The following BBS9 variants were observed in gnomAD, a reference collection of about 807,000 sequenced individuals.
BBS9 encodes Bardet-Biedl syndrome 9.
In BBS9, 89 loss-of-function variants were observed where a neutral mutation model predicts 117.7. That is an observed-to-expected ratio of 0.76 (90% confidence interval 0.64 to 0.90). BBS9 has a LOEUF of 0.90. Among genes scored for constraint, BBS9 ranks in the 40% least tolerant of loss-of-function variants. The pLI, the probability that BBS9 is intolerant of heterozygous loss-of-function variation, is 0.00. For synonymous variants in BBS9, 379 were observed against 370.9 expected (o/e 1.02, Z -0.25); for missense variants, 982 against 1,042.2 (o/e 0.94, Z 0.80).
intron 19 of BBS9, among the ~76,000 whole-genome samples, chr7:33,392,265 T>A: frequency 6.6e-6 from 1 of 152,312 alleles, no homozygotes; most frequent in Non-Finnish European, 1.5e-5. Flanking sequence ...TGGATTAGCT[T>A]GGTAGTTCTG....
rs144496762 is a variant in BBS9, at chr7:33,246,260, T to C, written c.443-10976T>C. Among the ~76,000 whole-genome samples, 311 of 151,988 alleles carry C rather than the reference T, an allele frequency of 2.0e-3. 1 individual carries two copies. The highest frequency in any genetic ancestry group is 6.6e-3 in the African/African-American group (276 of 41,534). ...TTTAAAACCATGTAAGTTTAAATCATGTTGAAACTCAGCTGATAATTTCCT... is the reference window on the plus strand; with the variant it reads ...TTTAAAACCATGTAAGTTTAAATCACGTTGAAACTCAGCTGATAATTTCCT... On this transcript the variant is annotated intron_variant, in intron 5 of 22. Transcript: ENST00000242067.
intron 5 of BBS9, among the ~76,000 whole-genome samples, chr7:33,195,736 T>C (rs1784834765): frequency 2.6e-5 from 4 of 152,220 alleles, no homozygotes; most frequent in African/African-American, 9.6e-5. Flanking sequence ...AACACTTTTC[T>C]CTCTGTGTCC....
intron 7 of BBS9, among the ~76,000 whole-genome samples, chr7:33,264,745 C>T (rs901165185): frequency 6.6e-6 from 1 of 152,078 alleles, no homozygotes; most frequent in Admixed American, 6.5e-5. Flanking sequence ...CAGATTTTCT[C>T]TTATCACTTG....
intron 19 of BBS9, among the ~76,000 whole-genome samples, chr7:33,414,943 T>A (rs1042695328): frequency 1.2e-4 from 19 of 152,266 alleles, no homozygotes; most frequent in Non-Finnish European, 2.2e-4. Flanking sequence ...CACATTTTTT[T>A]AAAAATTGAA....
rs540475197 is a variant in BBS9, at chr7:33,211,489, T to G, written c.442+33898T>G. ...CATTCCCCTGCTTTTTTTTGTTTATTTTTGATTGTTATTATCCCCCTGCTT... is the reference window on the plus strand; with the variant it reads ...CATTCCCCTGCTTTTTTTTGTTTATGTTTGATTGTTATTATCCCCCTGCTT... On this transcript the variant is annotated intron_variant, in intron 5 of 22. Transcript: ENST00000242067. Among the ~76,000 whole-genome samples, 6 of 152,014 alleles carry G rather than the reference T, an allele frequency of 3.9e-5. No homozygotes were observed. The East Asian group carries it at 1.2e-3, about 29-fold the overall frequency.
At chr7:33,342,548 T>C (rs528002889) in intron 11 of BBS9, among the ~76,000 whole-genome samples, 37 of 152,290 alleles carry the variant, frequency 2.4e-4, no homozygotes, top group Non-Finnish European at 4.3e-4. Context: ...TATTTCCCTA[T>C]TGGTAACCCT....
intron 5 of BBS9, among the ~76,000 whole-genome samples, chr7:33,227,632 C>A (rs973621810): frequency 6.6e-6 from 1 of 152,018 alleles, no homozygotes; most frequent in Non-Finnish European, 1.5e-5. Context: ...CCCCCTACCC[C>A]CAAAGTCCTC....
intron 19 of BBS9, among the ~76,000 whole-genome samples, chr7:33,435,070 A>G (rs1835098660): frequency 6.6e-6 from 1 of 152,166 alleles, no homozygotes; most frequent in African/African-American, 2.4e-5. Flanking sequence ...TTTGCCTGAA[A>G]TACAATTGTA....
chr7:33,554,706 G>A (rs1239808664), intron 21 of BBS9, among the ~76,000 whole-genome samples: 1 of 152,138 alleles, frequency 6.6e-6, no homozygotes, highest in East Asian at 1.9e-4. Context: ...GGAGCTCAGG[G>A]GAAAAGCCTG....
intron 20 of BBS9, among the ~76,000 whole-genome samples, chr7:33,516,487 CAAAAAAAAAAAAAAA>C (rs61006845): frequency 1.9e-5 from 1 of 51,520 alleles, no homozygotes; most frequent in Non-Finnish European, 3.5e-5. Context: ...ATTTCATCTC[CAAAAAAAAAAAAAAA>C]AAAAAAAAAG....
rs1282073484 is a variant in BBS9 at position 33,215,665 on chromosome 7, T to TA, written c.442+38075dup. ...GAGACACACACACACACAGGAATAT[T>TA]ATTCAGCCATAAAAATGAAATCCCG... On this transcript the variant is annotated intron_variant, in intron 5 of 22. Transcript: ENST00000242067. 6.6e-5 allele frequency among the ~76,000 whole-genome samples: 10 copies of TA among 152,142 alleles called. No individual in the cohort carries two copies. The Middle Eastern group carries it at 0.014, about 207-fold the overall frequency.
chr7:33,361,556 T>C lies in BBS9; in HGVS notation c.1693+3561T>C, dbSNP rs542857915. 8.5e-5 allele frequency among the ~76,000 whole-genome samples: 13 copies of C among 152,302 alleles called. No homozygotes were observed. The South Asian group carries it at 2.5e-3, about 29-fold the overall frequency. ...GTTATACTCCCAGCATCAAGGTTCA[T>C]GCGCATGATAGCAGCTGGATTCATT... On this transcript the variant is annotated intron_variant, in intron 16 of 22. Coordinates refer to ENST00000242067, the MANE Select transcript of BBS9 (RefSeq NM_198428.3).
intron 5 of BBS9, among the ~76,000 whole-genome samples, chr7:33,184,678 G>C (rs1045968759): frequency 6.6e-6 from 1 of 152,144 alleles, no homozygotes; most frequent in African/African-American, 2.4e-5. Context: ...TGGGTCAGGA[G>C]TCTCCTTCGT....
downstream of BBS9, among the ~76,000 whole-genome samples, chr7:33,609,699 A>G (rs1018939867): frequency 3.3e-5 from 5 of 152,066 alleles, no homozygotes; most frequent in African/African-American, 1.2e-4. Flanking sequence ...TATCTCCAAC[A>G]CATTTATGCT....
intron 1 of BBS9, among the ~76,000 whole-genome samples, chr7:33,135,093 A>G (rs1790260743): frequency 1.3e-5 from 2 of 152,116 alleles, no homozygotes; most frequent in African/African-American, 4.8e-5. Context: ...GGGTCTCATC[A>G]TGTTGCACAG....
chr7:33,221,038 A>G (rs940704198), intron 5 of BBS9, among the ~76,000 whole-genome samples: 2 of 152,148 alleles, frequency 1.3e-5, no homozygotes. Context: ...TCCTGCCTAG[A>G]TTGTCTTTAC....
At chr7:33,178,222 T>C (rs1797609543) in intron 5 of BBS9, among the ~76,000 whole-genome samples, 1 of 152,248 alleles carries the variant, frequency 6.6e-6, no homozygotes, top group Admixed American at 6.5e-5. Context: ...TTGATCCTGC[T>C]CATCGAGCCA....
chr7:33,304,895 C>T (rs1395363853), intron 9 of BBS9, among the ~76,000 whole-genome samples: 6 of 152,030 alleles, frequency 3.9e-5, no homozygotes, highest in Admixed American at 1.3e-4. Flanking sequence ...GGATTAAGGG[C>T]GGTGCAAGAT....
rs374908199 is a variant in BBS9, at chr7:33,534,216, T to C, written c.2521+40T>C. The C allele has an allele frequency of 4.5e-5, 71 of 1,580,032 alleles. 1 individual carries two copies. In the African/African-American group the frequency reaches 7.2e-4, roughly 16 times the overall value. On this transcript the variant is annotated intron_variant, in intron 21 of 22. Coordinates refer to ENST00000242067, the MANE Select transcript of BBS9 (RefSeq NM_198428.3). ...CATGCTCCCTAATCACAATTGTACTTCTCCTAAATTAGAGGAATGTGCCTG... is the reference window on the plus strand; with the variant it reads ...CATGCTCCCTAATCACAATTGTACTCCTCCTAAATTAGAGGAATGTGCCTG...
Sources: gnomAD v4.1 joint callset for allele counts (sites outside exome capture counted in the v4.1 genomes callset) on GRCh38, gnomAD v4.1.1 for gene constraint, MANE v1.5 for transcripts, NCBI Gene and HGNC (gene_info 2026-07-23, HGNC 2026-07-21) for gene names.